Variants in STAG1 observed in about 807,000 individuals in gnomAD.
STAG1 encodes the protein STAG1 cohesin complex component, also known as cohesin subunit SA-1.
A neutral mutation model predicts 170.9 loss-of-function variants in STAG1; 26 were observed. The observed-to-expected ratio is 0.15, with a 90% CI of 0.11 to 0.21. The LOEUF (loss-of-function observed/expected upper bound fraction) is 0.21, where lower values mean the gene tolerates loss of function less well. Ranked by LOEUF, STAG1 falls within the 10% of genes least tolerant of loss-of-function variation. The pLI, the probability that STAG1 is intolerant of heterozygous loss-of-function variation, is 1.00. For synonymous variants in STAG1, 514 were observed against 497.7 expected, an observed-to-expected ratio of 1.03 and a Z score of -0.44; for missense variants, 964 against 1,509.5, an observed-to-expected ratio of 0.64 and a Z score of 5.99.
intron 7 of STAG1, among the ~76,000 whole-genome samples, chr3:136,505,260 C>T (rs1239562660): frequency 1.3e-5 from 2 of 152,182 alleles, no homozygotes; most frequent in Admixed American, 1.3e-4. Flanking sequence ...TTCTTCTTGT[C>T]TAGCAAGGAG....
chr3:136,747,630 T>C (rs1246206418), intron 1 of STAG1, among the ~76,000 whole-genome samples: 3 of 148,808 alleles, frequency 2.0e-5, no homozygotes, highest in Non-Finnish European at 4.5e-5. Flanking sequence ...GAGTGAACTG[T>C]GACTGCACAA....
At chr3:136,403,546 T>G (rs1329055369) in intron 21 of STAG1, among the ~76,000 whole-genome samples, 2 of 152,100 alleles carry the variant, frequency 1.3e-5, no homozygotes, top group African/African-American at 4.8e-5. Context: ...TAATGAGGTC[T>G]GAATGGAAAA....
intron 12 of STAG1, among the ~76,000 whole-genome samples, chr3:136,465,526 C>G (rs996672094): frequency 8.9e-6 from 1 of 111,960 alleles, no homozygotes; most frequent in African/African-American, 3.5e-5. Flanking sequence ...TGGCCGCCTT[C>G]TAGTCTGTGG....
At chr3:136,734,294 G>C (rs1226568451) in intron 1 of STAG1, among the ~76,000 whole-genome samples, 3 of 152,056 alleles carry the variant, frequency 2.0e-5, no homozygotes, top group Non-Finnish European at 4.4e-5. Context: ...GAGAGAGGCA[G>C]GTACCTCAAA....
chr3:136,686,372 G>C (rs189988310), intron 1 of STAG1, among the ~76,000 whole-genome samples: 95 of 152,278 alleles, frequency 6.2e-4, no homozygotes, highest in African/African-American at 2.2e-3. Flanking sequence ...TCCCACATCA[G>C]GGAGAAAATA....
At chr3:136,423,074 T>C in intron 16 of STAG1, 30 bp from the exon 17 acceptor site, 1 of 1,461,440 alleles carries the variant, frequency 6.8e-7, no homozygotes, top group Non-Finnish European at 9.4e-7. Context: ...AGAAGAAGAG[T>C]ATTGTGTTAA....
At chr3:136,563,202 T>G (rs1427222061) in intron 5 of STAG1, among the ~76,000 whole-genome samples, 2 of 152,214 alleles carry the variant, frequency 1.3e-5, no homozygotes, top group Non-Finnish European at 2.9e-5. Flanking sequence ...ATTTTGAGAC[T>G]GGGTAAATAT....
At position 136,646,905 on chromosome 3, in the gene STAG1, C is replaced by T. The variant is rs1576710871; in HGVS notation, c.-83-15924G>A. On this transcript the variant is annotated intron_variant, in intron 1 of 33. Transcript: ENST00000383202. ...CCAGCCTGGGCAACAGAGCGAGACT[C>T]CATCTGAAAAAAATATATAATAATA... Among the ~76,000 whole-genome samples the T allele has an allele frequency of 4.0e-5, 6 of 151,792 alleles. No homozygotes were observed. The South Asian group carries it at 1.2e-3, about 31-fold the overall frequency.
chr3:136,424,698 G>A (rs553748142), intron 16 of STAG1, among the ~76,000 whole-genome samples: 2 of 152,066 alleles, frequency 1.3e-5, no homozygotes, highest in South Asian at 4.2e-4. Flanking sequence ...TACCTCTGAG[G>A]GGATAACAAA....
intron 2 of STAG1, among the ~76,000 whole-genome samples, chr3:136,623,943 C>CT (rs1264460274): frequency 6.6e-6 from 1 of 152,062 alleles, no homozygotes; most frequent in African/African-American, 2.4e-5. Flanking sequence ...GGGCAATACT[C>CT]TGTCTGAAAA....
chr3:136,739,830 A>T (rs1356003257), intron 1 of STAG1, among the ~76,000 whole-genome samples: 2 of 152,150 alleles, frequency 1.3e-5, no homozygotes, highest in African/African-American at 2.4e-5. Flanking sequence ...ATCTCAAAAA[A>T]AATAATAATT....
Position 136,343,871 on chromosome 3 carries a change from G to T in STAG1, c.3407C>A (p.Pro1136His), listed in dbSNP as rs777541027. 6.3e-7 allele frequency: 1 copy of T among 1,598,606 alleles called. No individual in the cohort carries two copies. The highest frequency in any genetic ancestry group is 1.1e-5 in the South Asian group (1 of 88,236). The change falls in exon 30 of 34, where the codon CCT becomes CAT. Residue 1136 changes from proline to histidine, a missense_variant. Pro to His is a moderately conservative substitution (Grantham distance 77, BLOSUM62 -2). This residue lies in a region of STAG1 where 122 missense variants were observed against 129.0 expected (regional missense o/e 0.95). Transcript: ENST00000383202. ...SRPMGDQIQE[P>H]ESEHGSEPDF... Reference sequence around the variant, plus strand: ...TGGTTCAGAACCATGTTCAGACTCAGGTTCTTGAATCTGGTCTCCCATGGG... The same window carrying T: ...TGGTTCAGAACCATGTTCAGACTCATGTTCTTGAATCTGGTCTCCCATGGG...
intron 21 of STAG1, among the ~76,000 whole-genome samples, chr3:136,402,833 A>G (rs768296051): frequency 4.1e-4 from 62 of 152,224 alleles, no homozygotes; most frequent in South Asian, 2.1e-3. Context: ...TAAAAAAGAA[A>G]AAAAAATAAT....
intron 1 of STAG1, among the ~76,000 whole-genome samples, chr3:136,644,484 C>T (rs1940923918): frequency 6.6e-6 from 1 of 152,160 alleles, no homozygotes; most frequent in Non-Finnish European, 1.5e-5. Flanking sequence ...TTCCCACTGA[C>T]AAGCTCACTC....
At chr3:136,616,736 G>A (rs565276821) in intron 3 of STAG1, among the ~76,000 whole-genome samples, 1 of 152,204 alleles carries the variant, frequency 6.6e-6, no homozygotes, top group African/African-American at 2.4e-5. Context: ...ACGAAACCTT[G>A]CCTCTACAAA....
chr3:136,526,071 T>C (rs900673495), intron 6 of STAG1, among the ~76,000 whole-genome samples: 2 of 152,248 alleles, frequency 1.3e-5, no homozygotes. Flanking sequence ...ATGTATATTC[T>C]GTTAATTTGG....
At chr3:136,444,828 C>T (rs1162566279) in intron 14 of STAG1, among the ~76,000 whole-genome samples, 1 of 152,096 alleles carries the variant, frequency 6.6e-6, no homozygotes, top group Non-Finnish European at 1.5e-5. Context: ...CCTCCTCATT[C>T]CTAACTCTAT....
intron 7 of STAG1, among the ~76,000 whole-genome samples, chr3:136,517,135 A>G (rs1206215506): frequency 6.6e-6 from 1 of 152,190 alleles, no homozygotes; most frequent in East Asian, 1.9e-4. Context: ...AGGTATAAAG[A>G]AATGTTTATC....
intron 1 of STAG1, among the ~76,000 whole-genome samples, chr3:136,662,593 G>T (rs753428204): frequency 6.6e-6 from 1 of 151,886 alleles, no homozygotes. Context: ...CTCTAGGAGC[G>T]TGCCACCATG....
Sources: gnomAD v4.1 joint callset for allele counts (sites outside exome capture counted in the v4.1 genomes callset) on GRCh38, gnomAD v4.1.1 for gene constraint, gnomAD v4.1.1 regional missense constraint, MANE v1.5 for transcripts, NCBI Gene and HGNC (gene_info 2026-07-23, HGNC 2026-07-21) for gene names.